Variants in ADARB2 observed in about 807,000 individuals in gnomAD.
The protein encoded by ADARB2 is adenosine deaminase RNA specific B2 (inactive), also known as inactive double-stranded RNA-specific editase B2.
A neutral mutation model predicts 62.2 loss-of-function variants in ADARB2; 25 were observed. The ratio of observed to expected loss-of-function variants is 0.40; its 90% confidence interval spans 0.29 to 0.56. The LOEUF is 0.56. ADARB2 is among the 20% of genes least tolerant of loss of function. The pLI, the probability that ADARB2 is intolerant of heterozygous loss-of-function variation, is 0.43. For missense variants in ADARB2, 1,071 were observed against 1,077.4 expected, an observed-to-expected ratio of 0.99 and a Z score of 0.08; for synonymous variants, 572 against 500.8, an observed-to-expected ratio of 1.14 and a Z score of -1.90.
At chr10:1,629,546 C>T (rs922070943) in intron 1 of ADARB2, among the ~76,000 whole-genome samples, 1 of 116,690 alleles carries the variant, frequency 8.6e-6, no homozygotes, top group African/African-American at 3.2e-5. Context: ...AGTACTCAAA[C>T]CCCCCCAGCA....
At chr10:1,624,036 C>A (rs1815834716) in intron 1 of ADARB2, among the ~76,000 whole-genome samples, 1 of 152,052 alleles carries the variant, frequency 6.6e-6, no homozygotes, top group Non-Finnish European at 1.5e-5. Flanking sequence ...AGTTTGAGAC[C>A]AGCCTGGGCA....
chr10:1,399,433 CT>C (rs35732104), intron 1 of ADARB2, among the ~76,000 whole-genome samples: 16,820 of 147,844 alleles, frequency 0.11, 982 homozygotes, highest in East Asian at 0.21. Context: ...CCAATCATAT[CT>C]TTTTTTTTTT....
chr10:1,493,407 A>G (rs1301524833), intron 1 of ADARB2, among the ~76,000 whole-genome samples: 2 of 152,128 alleles, frequency 1.3e-5, no homozygotes, highest in Admixed American at 6.5e-5. Context: ...GTTTCAGACC[A>G]TGATAGATTC....
chr10:1,534,594 T>A (rs2131962845), intron 1 of ADARB2: 1 of 152,548 alleles, frequency 6.6e-6, no homozygotes, highest in African/African-American at 2.4e-5. Context: ...CAGCAGATGA[T>A]CCCTGCATTA....
intron 3 of ADARB2, among the ~76,000 whole-genome samples, chr10:1,348,848 C>T (rs1327954313): frequency 2.0e-5 from 3 of 152,226 alleles, no homozygotes; most frequent in Non-Finnish European, 4.4e-5. Context: ...ACCCATCCAC[C>T]TCAGCTCTGG....
In ADARB2 at chr10:1,623,181, T is replaced by C. The variant is rs118121387; in HGVS notation, c.100+113870A>G. Among the ~76,000 whole-genome samples the C allele has an allele frequency of 8.8e-4, 134 of 152,330 alleles. No individual in the cohort carries two copies. The East Asian group carries it at 0.017, about 20-fold the overall frequency. On this transcript the variant is annotated intron_variant, in intron 1 of 9. Coordinates refer to ENST00000381312, the MANE Select transcript of ADARB2 (RefSeq NM_018702.4). Reference sequence around the variant, plus strand: ...CCCAGGGCTGGGGGTGGGATTGGATTGTTGCAAAAACATCATTAAATAAAT... The same window carrying C: ...CCCAGGGCTGGGGGTGGGATTGGATCGTTGCAAAAACATCATTAAATAAAT...
At chr10:1,672,039 AGGTGGGC>A (rs1564363806) in intron 1 of ADARB2, among the ~76,000 whole-genome samples, 2 of 142,036 alleles carry the variant, frequency 1.4e-5, no homozygotes, top group East Asian at 4.6e-4. Flanking sequence ...TCAGTGTGTG[AGGTGGGC>A]ATCAAGCAGA....
intron 1 of ADARB2, among the ~76,000 whole-genome samples, chr10:1,461,583 T>C (rs1831175113): frequency 6.6e-6 from 1 of 152,244 alleles, no homozygotes; most frequent in South Asian, 2.1e-4. Flanking sequence ...TTTAATGATA[T>C]TGATCTCTTG....
chr10:1,346,185 T>C (rs1300432450), intron 3 of ADARB2, among the ~76,000 whole-genome samples: 1 of 152,232 alleles, frequency 6.6e-6, no homozygotes, highest in Admixed American at 6.5e-5. Flanking sequence ...TTTAAAAACC[T>C]TTAATCGTGG....
rs1157703883 is a variant in ADARB2, at chr10:1,327,434, C to A, written c.1077+35594G>T. On this transcript the variant is annotated intron_variant, in intron 3 of 9. Transcript: ENST00000381312. The stretch of plus-strand genomic sequence containing the variant: ...CCACTGCCCAGCGCCTCCCCACTGC[C>A]CAGCGCCTCCCCACGGCCCAGCGCC... 3.1e-4 allele frequency among the ~76,000 whole-genome samples: 17 copies of A among 55,722 alleles called. 4 individuals carry two copies. Among genetic ancestry groups the A allele is most frequent in the African/African-American group, 1.0e-3 (11 of 10,478 alleles). 36.6% of individuals were successfully genotyped at this position (55,722 alleles called of 152,430 possible). A position where few individuals can be genotyped will look rare whatever the true frequency, so the allele number is the denominator to read the frequency against.
chr10:1,531,735 G>A (rs1832243603), intron 1 of ADARB2, among the ~76,000 whole-genome samples: 1 of 152,142 alleles, frequency 6.6e-6, no homozygotes, highest in South Asian at 2.1e-4. Context: ...TACTCGGGAG[G>A]CTGAGGCAGG....
Position 1,315,285 on chromosome 10 carries a change from G to A in ADARB2, c.1078-44216C>T, listed in dbSNP as rs1831728387. Among the ~76,000 whole-genome samples, 3 of 152,174 alleles carry A rather than the reference G, an allele frequency of 2.0e-5. No individual in the cohort carries two copies. The South Asian group carries it at 6.2e-4, about 32-fold the overall frequency. ...GGGTGAGGGTCTGCAGGGGCTCCTG[G>A]GCCTCTGCATCAGCCCCAGCCAGCG... On this transcript the variant is annotated intron_variant, in intron 3 of 9. Coordinates refer to ENST00000381312, the MANE Select transcript of ADARB2 (RefSeq NM_018702.4).
chr10:1,188,375 T>A (rs568757064), intron 8 of ADARB2: 1 of 152,390 alleles, frequency 6.6e-6, no homozygotes, highest in Admixed American at 6.5e-5. Context: ...TACAATCACC[T>A]AATTGTGTCC....
chr10:1,522,622 T>G (rs1444513099), intron 1 of ADARB2, among the ~76,000 whole-genome samples: 1 of 152,198 alleles, frequency 6.6e-6, no homozygotes, highest in Non-Finnish European at 1.5e-5. Context: ...TGGTCCAGTA[T>G]GTACTAGGGA....
chr10:1,332,254 AT>A (rs1271687006), intron 3 of ADARB2, among the ~76,000 whole-genome samples: 2 of 152,218 alleles, frequency 1.3e-5, no homozygotes, highest in Admixed American at 6.5e-5. Flanking sequence ...ACAATAAAAA[AT>A]TAGCCAGGTG....
chr10:1,384,589 C>T (rs893644942), intron 1 of ADARB2, among the ~76,000 whole-genome samples: 4 of 152,194 alleles, frequency 2.6e-5, no homozygotes, highest in Non-Finnish European at 5.9e-5. Context: ...GGATGCCAGG[C>T]AGTGCGTGAC....
chr10:1,641,638 T>C (rs1174734548), intron 1 of ADARB2, among the ~76,000 whole-genome samples: 1 of 152,240 alleles, frequency 6.6e-6, no homozygotes, highest in Non-Finnish European at 1.5e-5. Flanking sequence ...CTCCTCCATC[T>C]GCACGTCTTA....
intron 4 of ADARB2, among the ~76,000 whole-genome samples, chr10:1,266,662 C>T (rs1831207494): frequency 6.6e-6 from 1 of 152,174 alleles, no homozygotes; most frequent in Admixed American, 6.5e-5. Context: ...CAATACCAGT[C>T]TAACGTCTCG....
intron 1 of ADARB2, among the ~76,000 whole-genome samples, chr10:1,604,815 G>T (rs11250659): frequency 6.6e-6 from 1 of 152,130 alleles, no homozygotes; most frequent in African/African-American, 2.4e-5. Context: ...GATTCAAGGG[G>T]CACCCAACCA....
Sources: allele counts gnomAD v4.1 joint callset (sites outside exome capture counted in the v4.1 genomes callset), GRCh38; gene constraint gnomAD v4.1.1; transcripts MANE v1.5; gene names NCBI Gene and HGNC (gene_info 2026-07-23, HGNC 2026-07-21).